Variants in NFIX observed in about 807,000 individuals in gnomAD.
NFIX encodes the protein nuclear factor 1 X-type.
A neutral mutation model predicts 53.3 loss-of-function variants in NFIX; 2 were observed. The observed-to-expected ratio is 0.04, with a 90% CI of 0.02 to 0.12. The LOEUF is 0.12. Ranked by LOEUF, NFIX falls within the 10% of genes least tolerant of loss-of-function variation. The pLI is 1.00. For synonymous variants in NFIX, 244 were observed against 289.0 expected (o/e 0.84, Z 1.58); for missense variants, 310 against 674.5 (o/e 0.46, Z 5.99).
rs2018337297 is a variant in NFIX, at chr19:13,094,741, A to G, written c.*92A>G. On this transcript the variant is annotated 3_prime_UTR_variant, in exon 11 of 11. Transcript: ENST00000592199. This position sits in a 1 kb window ranked among gnomAD's most constrained non-coding sequence, Gnocchi z 4.3. ...TGAGAATGGAAAAATCCCCCAGCCC[A>G]GCCCAGCCCCACCGAAAAGCAAAAA... The G allele has an allele frequency of 7.2e-7, 1 of 1,380,142 alleles. No individual in the cohort carries two copies. Among genetic ancestry groups the G allele is most frequent in the Non-Finnish European group, 9.9e-7 (1 of 1,009,454 alleles). 85.5% of individuals were successfully genotyped at this position (1,380,142 alleles called of 1,614,324 possible).
intron 2 of NFIX, among the ~76,000 whole-genome samples, chr19:13,064,177 C>G (rs2016262006): frequency 6.6e-6 from 1 of 152,166 alleles, no homozygotes; most frequent in Non-Finnish European, 1.5e-5. Context: ...GGGATAGAAG[C>G]TTCAGGGGCT....
Position 13,036,245 on chromosome 19 carries a change from G to A in NFIX, c.559+10693G>A, listed in dbSNP as rs1170503944. Among the ~76,000 whole-genome samples, 3 of 152,228 alleles carry A rather than the reference G, an allele frequency of 2.0e-5. No homozygotes were observed. Among genetic ancestry groups the A allele is most frequent in the Non-Finnish European group, 2.9e-5 (2 of 68,036 alleles). ...TAGACCCTTCGCCAACTGGCCTGGC[G>A]TGTCCGGGAGGCTTCCTTTCTTAAA... On this transcript the variant is annotated intron_variant, in intron 2 of 10. Transcript: ENST00000592199. The surrounding 1 kb of genome is among the most constrained non-coding windows in gnomAD (Gnocchi z 4.7).
intron 2 of NFIX, among the ~76,000 whole-genome samples, chr19:13,030,135 G>A (rs937956795): frequency 6.6e-6 from 1 of 152,176 alleles, no homozygotes; most frequent in Non-Finnish European, 1.5e-5. Context: ...TTGAGGCAGC[G>A]CCATCTGGTG....
chr19:13,069,805 A>G (rs1342708418), intron 2 of NFIX: 2 of 152,276 alleles, frequency 1.3e-5, no homozygotes, highest in Admixed American at 6.5e-5. Context: ...TTTCTCACTA[A>G]CCGTGGATTT....
At position 13,002,696 on chromosome 19, in the gene NFIX, G is replaced by A. The variant is rs1258267955; in HGVS notation, c.27+6832G>A. ...TTGCCACCACTACCGATGTGGCTGCGCCAGCCAGGGAGGGGAGGCGGGTAG... is the reference window on the plus strand; with the variant it reads ...TTGCCACCACTACCGATGTGGCTGCACCAGCCAGGGAGGGGAGGCGGGTAG... On this transcript the variant is annotated intron_variant, in intron 1 of 10. Transcript: ENST00000592199. This position sits in a 1 kb window ranked among gnomAD's most constrained non-coding sequence, Gnocchi z 6.1. 6.6e-6 allele frequency among the ~76,000 whole-genome samples: 1 copy of A among 152,190 alleles called. No homozygotes were observed. The highest frequency in any genetic ancestry group is 2.4e-5 in the African/African-American group (1 of 41,432).
chr19:13,064,847 G>A (rs564747922), intron 2 of NFIX, among the ~76,000 whole-genome samples: 77 of 152,322 alleles, frequency 5.1e-4, no homozygotes, highest in African/African-American at 1.8e-3. Flanking sequence ...TAGTAATCCA[G>A]GTGGAAGGAC....
In NFIX at chr19:13,040,732, T is replaced by G. The variant is rs1037116709; in HGVS notation, c.559+15180T>G. 6.6e-6 allele frequency among the ~76,000 whole-genome samples: 1 copy of G among 152,182 alleles called. No homozygotes were observed. Among genetic ancestry groups the G allele is most frequent in the Non-Finnish European group, 1.5e-5 (1 of 68,032 alleles). ...TATTAACAATGAATTATTAAAGGAATGTGAATAGGGAGGGAGGTTTGTCTT... is the reference window on the plus strand; with the variant it reads ...TATTAACAATGAATTATTAAAGGAAGGTGAATAGGGAGGGAGGTTTGTCTT... On this transcript the variant is annotated intron_variant, in intron 2 of 10. Transcript: ENST00000592199. This position sits in a 1 kb window ranked among gnomAD's most constrained non-coding sequence, Gnocchi z 4.2.
intron 1 of NFIX, among the ~76,000 whole-genome samples, chr19:13,018,625 C>T (rs966960586): frequency 2.0e-5 from 3 of 152,234 alleles, no homozygotes; most frequent in African/African-American, 7.2e-5. Flanking sequence ...CTACAGAGCC[C>T]CTTCTCGTTG....
chr19:13,087,852 C>T, intron 8 of NFIX, 137 bp from the exon 9 acceptor site: 1 of 865,762 alleles, frequency 1.2e-6, no homozygotes, highest in Non-Finnish European at 1.8e-6. Flanking sequence ...CATCCTGTGC[C>T]CTGGAGGAGA....
chr19:13,030,476 G>A (rs1183360362), intron 2 of NFIX, among the ~76,000 whole-genome samples: 2 of 152,290 alleles, frequency 1.3e-5, no homozygotes, highest in Non-Finnish European at 2.9e-5. Flanking sequence ...TCTCTTAAGG[G>A]ATGACCCAGG....
rs767721145 is a variant in NFIX, at chr19:12,998,630, CAG to C, written c.27+2770_27+2771del. Among the ~76,000 whole-genome samples the C allele has an allele frequency of 2.6e-5, 4 of 152,182 alleles. No individual in the cohort carries two copies. Among genetic ancestry groups the C allele is most frequent in the African/African-American group, 4.8e-5 (2 of 41,518 alleles). On this transcript the variant is annotated intron_variant, in intron 1 of 10. Transcript: ENST00000592199. This position sits in a 1 kb window ranked among gnomAD's most constrained non-coding sequence, Gnocchi z 4.4. ...TCCCCATCCCAACCCTGCCAAGAAA[CAG>C]AGACACAACCAGGATGTGAACTCAC...
At chr19:13,024,165 C>A in intron 1 of NFIX, 1 of 726,110 alleles carries the variant, frequency 1.4e-6, no homozygotes, top group Non-Finnish European at 2.2e-6. Flanking sequence ...CCTTCTGTCA[C>A]CTGACTGAGT....
At position 13,002,776 on chromosome 19, in the gene NFIX, C is replaced by T. The variant is rs2011784321; in HGVS notation, c.27+6912C>T. 6.6e-6 allele frequency among the ~76,000 whole-genome samples: 1 copy of T among 152,180 alleles called. No individual in the cohort carries two copies. The highest frequency in any genetic ancestry group is 1.5e-5 in the Non-Finnish European group (1 of 68,000). ...GAAGCCGGGGTTGCACTGGGGAGCT[C>T]TCCCCCCACTGGGCCCCACCCTGAG... On this transcript the variant is annotated intron_variant, in intron 1 of 10. Transcript: ENST00000592199. The surrounding 1 kb of genome is among the most constrained non-coding windows in gnomAD (Gnocchi z 6.1).
In NFIX at chr19:13,051,063, GGGAGGAGGGTGCATACCTCCA is replaced by G. The variant is rs891575599; in HGVS notation, c.560-21977_560-21957del. 1.3e-4 allele frequency among the ~76,000 whole-genome samples: 20 copies of G among 152,226 alleles called. No individual in the cohort carries two copies. The highest frequency in any genetic ancestry group is 2.5e-4 in the Non-Finnish European group (17 of 68,032). ...TTGTTGGTAATGACTTGGCAGTGGA[GGGAGGAGGGTGCATACCTCCA>G]GGAGGATAGTAGCAGGGGAGCCACG... is the stretch of plus-strand genomic sequence containing the variant. On this transcript the variant is annotated intron_variant, in intron 2 of 10. Coordinates refer to ENST00000592199, the MANE Select transcript of NFIX (RefSeq NM_001365902.3). This position sits in a 1 kb window ranked among gnomAD's most constrained non-coding sequence, Gnocchi z 5.1.
rs565048624 is a variant in NFIX, at chr19:13,028,838, C to T, written c.559+3286C>T. On this transcript the variant is annotated intron_variant, in intron 2 of 10. Coordinates refer to ENST00000592199, the MANE Select transcript of NFIX (RefSeq NM_001365902.3). This position sits in a 1 kb window ranked among gnomAD's most constrained non-coding sequence, Gnocchi z 4.2. ...TGTGAGAAAGGATGGCCGAGCTGGC[C>T]TAGAACCGCTGCTAGACTATCTCCA... Among the ~76,000 whole-genome samples the T allele has an allele frequency of 6.6e-6, 1 of 152,244 alleles. No homozygotes were observed. The highest frequency in any genetic ancestry group is 1.9e-4 in the East Asian group (1 of 5,182).
Position 13,094,299 on chromosome 19 carries a change from C to T in NFIX, c.1495-336C>T, listed in dbSNP as rs1240301968. ...CATCTTCCCCACCCTCCAGGACCCA[C>T]ACAAAAACCTAAACAATTGGAAACA... On this transcript the variant is annotated intron_variant, in intron 10 of 10. Coordinates refer to ENST00000592199, the MANE Select transcript of NFIX (RefSeq NM_001365902.3). This position sits in a 1 kb window ranked among gnomAD's most constrained non-coding sequence, Gnocchi z 4.3. Among the ~76,000 whole-genome samples the T allele has an allele frequency of 6.6e-6, 1 of 152,216 alleles. No individual in the cohort carries two copies. The highest frequency in any genetic ancestry group is 1.9e-4 in the East Asian group (1 of 5,192).
At chr19:13,024,948 C>T in intron 1 of NFIX, 73 bp from the exon 2 acceptor site, 1 of 1,540,950 alleles carries the variant, frequency 6.5e-7, no homozygotes, top group Non-Finnish European at 8.8e-7. Context: ...CTCCTTCTCT[C>T]TTTCCCCCTC....
At position 13,052,050 on chromosome 19, in the gene NFIX, A is replaced by C. The variant is rs531272030; in HGVS notation, c.560-20997A>C. The stretch of plus-strand genomic sequence containing the variant: ...CCCTTCTGTCTTTCCTTTGCTGTCC[A>C]CTCTGCTTGCAGGATTTGGGACCAA... On this transcript the variant is annotated intron_variant, in intron 2 of 10. Coordinates refer to ENST00000592199, the MANE Select transcript of NFIX (RefSeq NM_001365902.3). The surrounding 1 kb of genome is among the most constrained non-coding windows in gnomAD (Gnocchi z 5.2). Among the ~76,000 whole-genome samples the C allele has an allele frequency of 6.6e-6, 1 of 151,582 alleles. No individual in the cohort carries two copies. Among genetic ancestry groups the C allele is most frequent in the African/African-American group, 2.4e-5 (1 of 41,250 alleles).
chr19:13,030,120 C>T (rs1347543327), intron 2 of NFIX, among the ~76,000 whole-genome samples: 2 of 152,202 alleles, frequency 1.3e-5, no homozygotes, highest in Non-Finnish European at 2.9e-5. Context: ...CACTGGTCTG[C>T]GTCTTTGAGG....
Sources: allele counts gnomAD v4.1 joint callset (sites outside exome capture counted in the v4.1 genomes callset), GRCh38; gene constraint gnomAD v4.1.1; non-coding constraint Gnocchi (gnomAD v3.1); transcripts MANE v1.5; gene names NCBI Gene and HGNC (gene_info 2026-07-23, HGNC 2026-07-21).